MOK: variants seen among roughly 807,000 people sequenced by gnomAD.
The protein encoded by MOK is MAPK/MAK/MRK overlapping kinase.
A neutral mutation model predicts 54.2 loss-of-function variants in MOK; 59 were observed. That is an observed-to-expected ratio of 1.09 (90% CI 0.88 to 1.35). The LOEUF is 1.35. Ranked by LOEUF, MOK falls within the 40% of genes most tolerant of loss-of-function variation. The pLI is 0.00. For missense variants in MOK, 517 were observed against 526.2 expected (o/e 0.98, Z 0.17); for synonymous variants, 210 against 202.7 (o/e 1.04, Z -0.31).
chr14:102,269,793 T>C (rs1288590694), intron 2 of MOK, among the ~76,000 whole-genome samples: 5 of 152,032 alleles, frequency 3.3e-5, no homozygotes, highest in African/African-American at 9.7e-5. Flanking sequence ...AATTTTAATA[T>C]ACATAAAGGA....
intron 1 of MOK, among the ~76,000 whole-genome samples, chr14:102,291,609 T>C (rs2070763673): frequency 6.6e-6 from 1 of 152,200 alleles, no homozygotes; most frequent in South Asian, 2.1e-4. Flanking sequence ...AAGATCAGTG[T>C]CTTCATTGTG....
At chr14:102,276,317 T>C (rs928306851) in intron 2 of MOK, among the ~76,000 whole-genome samples, 5 of 150,444 alleles carry the variant, frequency 3.3e-5, no homozygotes, top group African/African-American at 9.8e-5. Flanking sequence ...ACCCCATCTC[T>C]ACTAAAAAAT....
chr14:102,250,801 C>A lies in MOK; in HGVS notation c.590+11G>T. 1 of 1,611,568 alleles carries A rather than the reference C, an allele frequency of 6.2e-7. No individual in the cohort carries two copies. Among genetic ancestry groups the A allele is most frequent in the Non-Finnish European group, 8.5e-7 (1 of 1,178,308 alleles). On this transcript the variant is annotated intron_variant, in intron 7 of 11. Coordinates refer to ENST00000361847, the MANE Select transcript of MOK (RefSeq NM_014226.3). ...CCGCAGGAACCAGGCAGGAGCCTGGCCTGGTGCTACCTGGCGATCTCGTAG... is the reference window on the plus strand; with the variant it reads ...CCGCAGGAACCAGGCAGGAGCCTGGACTGGTGCTACCTGGCGATCTCGTAG...
intron 2 of MOK, among the ~76,000 whole-genome samples, chr14:102,272,162 C>T (rs745997873): frequency 3.3e-5 from 5 of 152,154 alleles, no homozygotes; most frequent in Admixed American, 6.6e-5. Flanking sequence ...TGAGACGCCA[C>T]GCCTAACTCC....
Position 102,233,673 on chromosome 14 carries a change from G to C in MOK, c.692+15C>G. Reference sequence around the variant, plus strand: ...GGGAGTGGGTCCACATCCACTCTCAGAACACAATACTTACTGTTTGAACTT... The same window carrying C: ...GGGAGTGGGTCCACATCCACTCTCACAACACAATACTTACTGTTTGAACTT... On this transcript the variant is annotated intron_variant, in intron 8 of 11. Coordinates refer to ENST00000361847, the MANE Select transcript of MOK (RefSeq NM_014226.3). 1 of 1,606,088 alleles carries C rather than the reference G, an allele frequency of 6.2e-7. No homozygotes were observed. Among genetic ancestry groups the C allele is most frequent in the Admixed American group, 1.7e-5 (1 of 59,998 alleles).
At chr14:102,250,765 G>A in intron 7 of MOK, 47 bp downstream of exon 7, 2 of 1,583,726 alleles carry the variant, frequency 1.3e-6, no homozygotes, top group East Asian at 2.3e-5. Flanking sequence ...CCTGGCTGCT[G>A]CACCGCTCCG....
chr14:102,215,510 T>A, the MOK span, among the ~76,000 whole-genome samples: 1 of 152,140 alleles, frequency 6.6e-6, no homozygotes, highest in African/African-American at 2.4e-5. Context: ...ACGTGCAGGT[T>A]TGTTACATAG....
intron 1 of MOK, among the ~76,000 whole-genome samples, chr14:102,299,614 C>T (rs912881400): frequency 1.3e-5 from 2 of 152,040 alleles, no homozygotes; most frequent in Non-Finnish European, 2.9e-5. Context: ...GAAACAGGGT[C>T]TTCCTTTGAC....
chr14:102,247,295 TA>T (rs1295787079), intron 7 of MOK: 1 of 152,214 alleles, frequency 6.6e-6, no homozygotes, highest in Non-Finnish European at 1.5e-5. Context: ...TACATCTTTT[TA>T]GCATACACAA....
chr14:102,276,707 C>CT (rs1254374085), intron 2 of MOK, among the ~76,000 whole-genome samples: 1 of 150,936 alleles, frequency 6.6e-6, no homozygotes, highest in East Asian at 1.9e-4. Context: ...AGGAGAATCA[C>CT]TTGAACCCAG....
intron 7 of MOK, among the ~76,000 whole-genome samples, chr14:102,247,873 A>G (rs1278377443): frequency 6.6e-6 from 1 of 152,242 alleles, no homozygotes; most frequent in East Asian, 1.9e-4. Context: ...GTCCTTTAGT[A>G]CCTGGTTTCC....
chr14:102,255,823 T>C (rs566314013), intron 4 of MOK, among the ~76,000 whole-genome samples: 16 of 152,330 alleles, frequency 1.1e-4, no homozygotes, highest in East Asian at 3.9e-4. Flanking sequence ...CCAAAAGCAT[T>C]TCCCTCATCT....
At chr14:102,293,701 C>CAAAAAAAAAAAAAAAAACAAAAA (rs2071035193) in intron 1 of MOK, among the ~76,000 whole-genome samples, 1 of 54,598 alleles carries the variant, frequency 1.8e-5, no homozygotes, top group African/African-American at 5.8e-5. Context: ...AACTCCATCA[C>CAAAAAAAAAAAAAAAAACAAAAA]AAAAAAAAAA....
At chr14:102,300,597 A>G (rs530684446) in intron 1 of MOK, among the ~76,000 whole-genome samples, 1 of 152,208 alleles carries the variant, frequency 6.6e-6, no homozygotes, top group Non-Finnish European at 1.5e-5. Context: ...ACTAGACTAG[A>G]TAAGGGGAAA....
intron 2 of MOK, among the ~76,000 whole-genome samples, chr14:102,281,630 A>G (rs999069174): frequency 4.0e-5 from 6 of 151,056 alleles, no homozygotes; most frequent in Non-Finnish European, 8.8e-5. Context: ...ATTTTTGTAG[A>G]GATGGGGTCT....
chr14:102,232,458 C>A lies in MOK; in HGVS notation c.866+77G>T. 3 of 1,501,808 alleles carry A rather than the reference C, an allele frequency of 2.0e-6. No homozygotes were observed. The highest frequency in any genetic ancestry group is 2.7e-6 in the Non-Finnish European group (3 of 1,103,708). The allele number at this position is 1,501,808 out of a possible 1,614,324, so 93.0% of individuals were successfully genotyped here. On this transcript the variant is annotated intron_variant, in intron 9 of 11. Transcript: ENST00000361847. The surrounding 1 kb of genome is among the most constrained non-coding windows in gnomAD (Gnocchi z 5.1). Reference sequence around the variant, plus strand: ...ACCAGGGACCCTCCAGGGGGCAGTACCTTGCCCCACCATGTGCCCATGGGT... The same window carrying A: ...ACCAGGGACCCTCCAGGGGGCAGTAACTTGCCCCACCATGTGCCCATGGGT...
At position 102,236,775 on chromosome 14, in the gene MOK, C is replaced by T. The variant is rs940308190; in HGVS notation, c.591-2986G>A. On this transcript the variant is annotated intron_variant, in intron 7 of 11. Coordinates refer to ENST00000361847, the MANE Select transcript of MOK (RefSeq NM_014226.3). This position sits in a 1 kb window ranked among gnomAD's most constrained non-coding sequence, Gnocchi z 4.5. ...CCCAGCATCCCCAAAAACCCTATCTCCCTAACCCACCAAAAAGGCTTACAG... is the reference window on the plus strand; with the variant it reads ...CCCAGCATCCCCAAAAACCCTATCTTCCTAACCCACCAAAAAGGCTTACAG... 1.3e-5 allele frequency among the ~76,000 whole-genome samples: 2 copies of T among 152,178 alleles called. No individual in the cohort carries two copies. Among genetic ancestry groups the T allele is most frequent in the African/African-American group, 4.8e-5 (2 of 41,442 alleles).
rs989187373 is a variant in MOK at position 102,249,210 on chromosome 14, G to A, written c.590+1602C>T. Among the ~76,000 whole-genome samples, 5 of 152,124 alleles carry A rather than the reference G, an allele frequency of 3.3e-5. No individual in the cohort carries two copies. The highest frequency in any genetic ancestry group is 4.4e-5 in the Non-Finnish European group (3 of 68,036). ...GAGGCAAAAGACAGATCCACATTCC[G>A]TCATCTGTTCAGCATGATGTCTGTG... On this transcript the variant is annotated intron_variant, in intron 7 of 11. Coordinates refer to ENST00000361847, the MANE Select transcript of MOK (RefSeq NM_014226.3). This position sits in a 1 kb window ranked among gnomAD's most constrained non-coding sequence, Gnocchi z 5.3.
At chr14:102,266,316 T>G (rs1451293815) in intron 2 of MOK, among the ~76,000 whole-genome samples, 3 of 152,116 alleles carry the variant, frequency 2.0e-5, no homozygotes, top group Non-Finnish European at 4.4e-5. Flanking sequence ...CCTTTTTTTT[T>G]TTGTTTTTGA....
Sources: gnomAD v4.1 joint callset for allele counts (sites outside exome capture counted in the v4.1 genomes callset) on GRCh38, gnomAD v4.1.1 for gene constraint, Gnocchi (gnomAD v3.1) non-coding constraint, MANE v1.5 for transcripts, NCBI Gene and HGNC (gene_info 2026-07-23, HGNC 2026-07-21) for gene names.